The following DENND2B variants were observed in gnomAD, a reference collection of about 807,000 sequenced individuals.
DENND2B encodes DENN domain containing 2B, also known as DENN domain-containing protein 2B.
In DENND2B, 32 loss-of-function variants were observed where a neutral mutation model predicts 116.0. The ratio of observed to expected loss-of-function variants is 0.28; its 90% CI spans 0.21 to 0.37. DENND2B has a LOEUF of 0.37. Among genes scored for constraint, DENND2B ranks in the 10% least tolerant of loss-of-function variants. DENND2B has a pLI of 1.00. For missense variants in DENND2B, 1,276 were observed against 1,477.7 expected (o/e 0.86, Z 2.24); for synonymous variants, 588 against 583.9 (o/e 1.01, Z -0.10).
chr11:8,754,025 G>GCACACACACACA (rs58878035), intron 1 of DENND2B, among the ~76,000 whole-genome samples: 11 of 8,074 alleles, frequency 1.4e-3, no homozygotes, highest in African/African-American at 1.5e-3. Context: ...AACACCAAAA[G>GCACACACACACA]CGCGCACACA....
intron 2 of DENND2B, among the ~76,000 whole-genome samples, chr11:8,740,205 A>T (rs1429659073): frequency 1.3e-5 from 2 of 151,966 alleles, no homozygotes; most frequent in Admixed American, 1.3e-4. Context: ...TAAAAAAAAA[A>T]AAAAAAGAAA....
intron 4 of DENND2B, among the ~76,000 whole-genome samples, chr11:8,836,710 C>T (rs1328675377): frequency 1.3e-5 from 2 of 151,526 alleles, no homozygotes; most frequent in East Asian, 3.9e-4. Flanking sequence ...TGACCCACCG[C>T]GCCCGGCTAC....
At position 8,714,614 on chromosome 11, in the gene DENND2B, C is replaced by T; in HGVS notation, c.1938G>A (p.Leu646=). The change falls in exon 7 of 20, where the codon CTG becomes CTA. Residue 646 remains leucine (L), a synonymous_variant. Transcript: ENST00000313726. ...LSMSSIETAS[L]RDENSESESD... ...AGCTCTGGCACCAAAGCCTACCTCTCAGTGATGCTGTTTCAATGCTGGACA... is the reference window on the plus strand; with the variant it reads ...AGCTCTGGCACCAAAGCCTACCTCTTAGTGATGCTGTTTCAATGCTGGACA... The T allele has an allele frequency of 6.2e-7, 1 of 1,613,882 alleles. No individual in the cohort carries two copies. Among genetic ancestry groups the T allele is most frequent in the Non-Finnish European group, 8.5e-7 (1 of 1,179,822 alleles).
At position 8,702,730 on chromosome 11, in the gene DENND2B, A is replaced by T; in HGVS notation, c.2572-10T>A. On this transcript the variant is annotated splice_polypyrimidine_tract_variant and intron_variant, in intron 13 of 19. Coordinates refer to ENST00000313726, the MANE Select transcript of DENND2B (RefSeq NM_213618.2). This position sits in a 1 kb window ranked among gnomAD's most constrained non-coding sequence, Gnocchi z 4.6. ...GCCGCAGCTCTAACACCTGCAGGAG[A>T]GCGATGGGAAAGTGGGCCGGGGCCA... is the stretch of plus-strand genomic sequence containing the variant. The T allele has an allele frequency of 6.2e-7, 1 of 1,609,458 alleles. No individual in the cohort carries two copies. Among genetic ancestry groups the T allele is most frequent in the Non-Finnish European group, 8.5e-7 (1 of 1,177,602 alleles).
chr11:8,714,518 G>C, intron 7 of DENND2B, 92 bp downstream of exon 7: 2 of 1,084,432 alleles, frequency 1.8e-6, no homozygotes, highest in Non-Finnish European at 2.7e-6. Flanking sequence ...TTCCTGGCAG[G>C]GCTCTACCCT....
chr11:8,908,388 A>G (rs1203849802), intron 1 of DENND2B, among the ~76,000 whole-genome samples: 1 of 152,226 alleles, frequency 6.6e-6, no homozygotes, highest in Non-Finnish European at 1.5e-5. Context: ...AAGTGAGAGC[A>G]TATTTTGGGA....
intron 1 of DENND2B, among the ~76,000 whole-genome samples, chr11:8,900,186 G>A (rs1280101873): frequency 6.6e-6 from 1 of 152,022 alleles, no homozygotes; most frequent in Non-Finnish European, 1.5e-5. Flanking sequence ...AACACTTTGG[G>A]AGGCCGAGGC....
chr11:8,878,606 C>T (rs1374006871), intron 2 of DENND2B, among the ~76,000 whole-genome samples: 1 of 152,180 alleles, frequency 6.6e-6, no homozygotes, highest in Non-Finnish European at 1.5e-5. Context: ...CCAAGCTGGT[C>T]TTGAAATCCT....
At chr11:8,772,225 T>C (rs904168799) in intron 1 of DENND2B, among the ~76,000 whole-genome samples, 1 of 152,042 alleles carries the variant, frequency 6.6e-6, no homozygotes, top group East Asian at 1.9e-4. Context: ...AATAAACTAA[T>C]AGTAATATAA....
chr11:8,799,732 C>A (rs1422132119), intron 1 of DENND2B, among the ~76,000 whole-genome samples: 1 of 151,768 alleles, frequency 6.6e-6, no homozygotes, highest in Non-Finnish European at 1.5e-5. Context: ...GTGCCCAAAA[C>A]CAGAGCACAC....
upstream of DENND2B, among the ~76,000 whole-genome samples, chr11:8,875,028 C>T (rs900292613): frequency 1.3e-5 from 2 of 152,108 alleles, no homozygotes; most frequent in African/African-American, 4.8e-5. Flanking sequence ...GCCTAGATGA[C>T]TTTAAGTGTT....
At chr11:8,718,095 C>CACCCCCCT in intron 4 of DENND2B, 1 of 286,220 alleles carries the variant, frequency 3.5e-6, no homozygotes, top group Non-Finnish European at 6.5e-6. Context: ...GAAGCAGACC[C>CACCCCCCT]ACCCCCCCAC....
intron 1 of DENND2B, among the ~76,000 whole-genome samples, chr11:8,890,177 G>C (rs1282697824): frequency 6.6e-6 from 1 of 152,188 alleles, no homozygotes; most frequent in Non-Finnish European, 1.5e-5. Context: ...CTGCAGCTGA[G>C]GGTCCTGACT....
chr11:8,732,777 G>A (rs1274926153), intron 2 of DENND2B, among the ~76,000 whole-genome samples: 1 of 152,242 alleles, frequency 6.6e-6, no homozygotes, highest in East Asian at 1.9e-4. Context: ...AAAAACAGCA[G>A]GATTTGCCAA....
At chr11:8,709,949 C>CT (rs2043301284) in intron 11 of DENND2B, among the ~76,000 whole-genome samples, 2 of 152,174 alleles carry the variant, frequency 1.3e-5, no homozygotes, top group Admixed American at 1.3e-4. Context: ...TTAAACTCAT[C>CT]TTTATATGAG....
chr11:8,842,754 G>T (rs549811012), intron 3 of DENND2B, among the ~76,000 whole-genome samples: 29 of 152,158 alleles, frequency 1.9e-4, no homozygotes, highest in Admixed American at 7.8e-4. Flanking sequence ...TTTCATGATG[G>T]AGACATCATG....
intron 1 of DENND2B, chr11:8,757,118 C>T (rs1486298568): frequency 2.2e-6 from 1 of 456,008 alleles, no homozygotes; most frequent in Non-Finnish European, 4.4e-6. Flanking sequence ...AGTGGAAAAA[C>T]ACCTGCCTTG....
chr11:8,823,851 C>CT (rs1344926212), intron 4 of DENND2B, among the ~76,000 whole-genome samples: 2 of 151,746 alleles, frequency 1.3e-5, no homozygotes, highest in Non-Finnish European at 2.9e-5. Context: ...TACATGAACC[C>CT]TTTTTTTCCT....
chr11:8,716,031 C>T (rs1208634862), intron 5 of DENND2B, among the ~76,000 whole-genome samples: 7 of 152,266 alleles, frequency 4.6e-5, no homozygotes, highest in Admixed American at 4.6e-4. Flanking sequence ...GGAAGCTTCA[C>T]TACTGCCAGC....
Sources: allele counts gnomAD v4.1 joint callset (sites outside exome capture counted in the v4.1 genomes callset), GRCh38; gene constraint gnomAD v4.1.1; non-coding constraint Gnocchi (gnomAD v3.1); transcripts MANE v1.5; gene names NCBI Gene and HGNC (gene_info 2026-07-23, HGNC 2026-07-21).